The following SYT9 variants were observed in gnomAD, a reference collection of about 807,000 sequenced individuals.
The protein encoded by SYT9 is synaptotagmin-9.
Under a neutral mutation model 48.4 loss-of-function variants are expected in SYT9, and 22 were observed. That is an observed-to-expected ratio of 0.45 (90% CI 0.32 to 0.65). The LOEUF (loss-of-function observed/expected upper bound fraction) is 0.65. SYT9 is among the 30% of genes least tolerant of loss of function. The pLI is 0.03. For missense variants in SYT9, 577 were observed against 622.0 expected, an observed-to-expected ratio of 0.93 and a Z score of 0.77; for synonymous variants, 265 against 245.0, an observed-to-expected ratio of 1.08 and a Z score of -0.76.
intron 3 of SYT9, among the ~76,000 whole-genome samples, chr11:7,326,466 T>G (rs1564863356): frequency 1.4e-5 from 2 of 143,074 alleles, no homozygotes; most frequent in Admixed American, 1.4e-4. Context: ...GATATCCCCT[T>G]TATCATTTTT....
At chr11:7,346,658 G>A (rs1175616833) in intron 3 of SYT9, among the ~76,000 whole-genome samples, 2 of 152,138 alleles carry the variant, frequency 1.3e-5, no homozygotes, top group Admixed American at 6.5e-5. Context: ...TACAAAATCA[G>A]TCTCACTTCA....
chr11:7,292,558 C>A (rs1935385313), intron 1 of SYT9, among the ~76,000 whole-genome samples: 1 of 152,198 alleles, frequency 6.6e-6, no homozygotes, highest in African/African-American at 2.4e-5. Flanking sequence ...CCCTACAGGG[C>A]AGGTTGGGAT....
At chr11:7,415,455 G>A (rs953387877) in intron 3 of SYT9, among the ~76,000 whole-genome samples, 1 of 152,078 alleles carries the variant, frequency 6.6e-6, no homozygotes, top group African/African-American at 2.4e-5. Flanking sequence ...AGGTATGCAG[G>A]AGTACACAGG....
chr11:7,245,871 T>C (rs1306337698), intron 1 of SYT9, among the ~76,000 whole-genome samples: 1 of 152,222 alleles, frequency 6.6e-6, no homozygotes, highest in African/African-American at 2.4e-5. Context: ...TGTCCAACCA[T>C]AGCATCTGGG....
chr11:7,391,473 T>G (rs1453325284), intron 3 of SYT9, among the ~76,000 whole-genome samples: 1 of 152,122 alleles, frequency 6.6e-6, no homozygotes, highest in Non-Finnish European at 1.5e-5. Context: ...CATCTGCTAT[T>G]TTTTGACTTT....
Position 7,332,995 on chromosome 11 carries a change from A to G in SYT9, c.1044+19054A>G, listed in dbSNP as rs79626727. 3.8e-3 allele frequency among the ~76,000 whole-genome samples: 585 copies of G among 152,326 alleles called. 18 individuals are homozygous for G. In the East Asian group the frequency reaches 0.075, roughly 20 times the overall value. On this transcript the variant is annotated intron_variant, in intron 3 of 6. Coordinates refer to ENST00000318881, the MANE Select transcript of SYT9 (RefSeq NM_175733.4). ...GTTTCCTGACAGAAAGCCTTGTCCC[A>G]TGGATTGGCATTTGCTTGCTTGGAA...
intron 3 of SYT9, among the ~76,000 whole-genome samples, chr11:7,376,074 A>T (rs918820648): frequency 2.0e-5 from 3 of 152,132 alleles, no homozygotes; most frequent in African/African-American, 7.2e-5. Flanking sequence ...CTTATTTAAT[A>T]TGTTAACTGT....
chr11:7,332,002 A>G (rs1237760276), intron 3 of SYT9, among the ~76,000 whole-genome samples: 1 of 152,242 alleles, frequency 6.6e-6, no homozygotes, highest in African/African-American at 2.4e-5. Context: ...GGAAACTAAA[A>G]TAGCTCCAAT....
At chr11:7,256,535 T>G (rs1847974284) in intron 1 of SYT9, among the ~76,000 whole-genome samples, 1 of 152,188 alleles carries the variant, frequency 6.6e-6, no homozygotes, top group African/African-American at 2.4e-5. Flanking sequence ...GAAAGTAGCT[T>G]CTTAGGTAGT....
At chr11:7,285,592 C>CA (rs1007628122) in intron 1 of SYT9, among the ~76,000 whole-genome samples, 12 of 152,282 alleles carry the variant, frequency 7.9e-5, no homozygotes, top group Non-Finnish European at 1.5e-4. Flanking sequence ...AAAACACAAT[C>CA]ATGCCCTTCC....
upstream of SYT9, among the ~76,000 whole-genome samples, chr11:7,247,597 ACG>A (rs1564834853): frequency 3.4e-5 from 5 of 146,582 alleles, no homozygotes; most frequent in East Asian, 9.8e-4. Context: ...GTGTATATAT[ACG>A]TATATATACA....
chr11:7,252,340 C>G lies in SYT9; in HGVS notation c.145+9C>G. 6.9e-7 allele frequency: 1 copy of G among 1,456,958 alleles called. No individual in the cohort carries two copies. Among genetic ancestry groups the G allele is most frequent in the Non-Finnish European group, 9.1e-7 (1 of 1,103,854 alleles). The allele number at this position is 1,456,958 out of a possible 1,614,324, so 90.3% of individuals were successfully genotyped here. A position where few individuals can be genotyped will look rare whatever the true frequency, so the allele number is the denominator to read the frequency against. The stretch of plus-strand genomic sequence containing the variant: ...CCGGCTCCGCGACCCAGGTGAGTGC[C>G]GCCACCGCCGCCTGGAGGGACCTAA... On this transcript the variant is annotated intron_variant, in intron 1 of 6. Transcript: ENST00000318881. This position sits in a 1 kb window ranked among gnomAD's most constrained non-coding sequence, Gnocchi z 6.3.
chr11:7,400,844 A>C (rs1846874985), intron 3 of SYT9, among the ~76,000 whole-genome samples: 1 of 152,156 alleles, frequency 6.6e-6, no homozygotes, highest in Non-Finnish European at 1.5e-5. Context: ...GTAACCTTTT[A>C]ATCAAAACAT....
At chr11:7,251,093 C>T (rs1459604239), upstream of SYT9, among the ~76,000 whole-genome samples, 1 of 130,110 alleles carries the variant, frequency 7.7e-6, no homozygotes, top group Non-Finnish European at 1.6e-5. Flanking sequence ...AGGCTTGTGG[C>T]ACAGTGACAC....
intron 3 of SYT9, among the ~76,000 whole-genome samples, chr11:7,383,451 A>ACACATAT (rs1277937754): frequency 1.3e-5 from 2 of 152,294 alleles, no homozygotes; most frequent in African/African-American, 4.8e-5. Context: ...TGAGGGTGCA[A>ACACATAT]CACATATCCA....
intron 6 of SYT9, among the ~76,000 whole-genome samples, chr11:7,455,324 T>C (rs1011991763): frequency 2.0e-5 from 3 of 147,212 alleles, no homozygotes; most frequent in African/African-American, 5.2e-5. Context: ...AACATTCCAA[T>C]GTTTAAGCTA....
In SYT9 at chr11:7,348,379, C is replaced by T. The variant is rs551070259; in HGVS notation, c.1044+34438C>T. ...GGAGGCATTAGAGAATCTAATCCATCGTTCATTTCCATCATTTCGGGTCAG... is the reference window on the plus strand; with the variant it reads ...GGAGGCATTAGAGAATCTAATCCATTGTTCATTTCCATCATTTCGGGTCAG... On this transcript the variant is annotated intron_variant, in intron 3 of 6. Coordinates refer to ENST00000318881, the MANE Select transcript of SYT9 (RefSeq NM_175733.4). Among the ~76,000 whole-genome samples the T allele has an allele frequency of 1.2e-4, 18 of 152,318 alleles. No individual in the cohort carries two copies. The South Asian group carries it at 2.5e-3, about 21-fold the overall frequency.
chr11:7,399,695 TC>T (rs1448952322), intron 3 of SYT9, among the ~76,000 whole-genome samples: 1 of 151,846 alleles, frequency 6.6e-6, no homozygotes, highest in Non-Finnish European at 1.5e-5. Context: ...TGATGAGACA[TC>T]CTCTATAGGA....
intron 6 of SYT9, among the ~76,000 whole-genome samples, chr11:7,451,595 C>T (rs1848050293): frequency 6.6e-6 from 1 of 152,170 alleles, no homozygotes. Context: ...CTTTGCATCT[C>T]CCCAGGCTTA....
Sources: gnomAD v4.1 joint callset for allele counts (sites outside exome capture counted in the v4.1 genomes callset) on GRCh38, gnomAD v4.1.1 for gene constraint, Gnocchi (gnomAD v3.1) non-coding constraint, MANE v1.5 for transcripts, NCBI Gene and HGNC (gene_info 2026-07-23, HGNC 2026-07-21) for gene names.